MGAM: variants seen among roughly 807,000 people sequenced by gnomAD.
MGAM encodes alpha-1,4-glucosidase.
A neutral mutation model predicts 358.8 loss-of-function variants in MGAM; 253 were observed. The observed-to-expected ratio is 0.71, with a 90% CI of 0.64 to 0.78. MGAM has a LOEUF of 0.78. Among genes scored for constraint, MGAM ranks in the 30% least tolerant of loss-of-function variants. The pLI, the probability that MGAM is intolerant of heterozygous loss-of-function variation, is 0.00. For synonymous variants in MGAM, 1,105 were observed against 1,227.1 expected (o/e 0.90, Z 2.08); for missense variants, 3,080 against 3,432.6 (o/e 0.90, Z 2.57).
chr7:142,088,558 C>CTCTA (rs202143818), intron 57 of MGAM, among the ~76,000 whole-genome samples: 5 of 136,564 alleles, frequency 3.7e-5, no homozygotes, highest in East Asian at 2.1e-4. Context: ...TCCATCCATC[C>CTCTA]TCTATCTATC....
intron 47 of MGAM, 123 bp downstream of exon 47, chr7:142,076,949 A>G: frequency 1.8e-6 from 2 of 1,116,274 alleles, no homozygotes; most frequent in African/African-American, 1.5e-5. Context: ...GTTTTGGGGA[A>G]TTGAGAGGGC....
Position 142,104,495 on chromosome 7 carries a change from G to A in MGAM, c.8184+1056G>A, listed in dbSNP as rs377480645. Among the ~76,000 whole-genome samples the A allele has an allele frequency of 5.2e-4, 79 of 152,256 alleles. 1 individual carries two copies. The highest frequency in any genetic ancestry group is 1.9e-3 in the African/African-American group (78 of 41,548). On this transcript the variant is annotated intron_variant, in intron 70 of 70. Transcript: ENST00000475668. ...TACTGCAAAAGGTGTTGGTGATTCA[G>A]CATTTTATAAAAATTCTTCCACTAG...
At chr7:142,015,315 TA>T in intron 3 of MGAM, among the ~76,000 whole-genome samples, 1 of 152,160 alleles carries the variant, frequency 6.6e-6, no homozygotes, top group Non-Finnish European at 1.5e-5. Flanking sequence ...TATTTACTGT[TA>T]AGAGGCTTTG....
intron 21 of MGAM, among the ~76,000 whole-genome samples, chr7:142,045,202 T>A (rs1199462412): frequency 1.5e-5 from 1 of 67,116 alleles, no homozygotes; most frequent in East Asian, 3.3e-4. Flanking sequence ...ATAATATATA[T>A]TATATAACAT....
At chr7:142,067,589 T>C (rs1186045731) in intron 42 of MGAM, among the ~76,000 whole-genome samples, 164 bp downstream of exon 42, 2 of 116,570 alleles carry the variant, frequency 1.7e-5, no homozygotes, top group Admixed American at 1.7e-4. Context: ...TTAGGTGTTC[T>C]TGGCACTCAG....
At chr7:142,060,804 TTTTCTTTGTATATC>T (rs1320418514) in intron 34 of MGAM, among the ~76,000 whole-genome samples, 1 of 152,068 alleles carries the variant, frequency 6.6e-6, no homozygotes, top group Non-Finnish European at 1.5e-5. Context: ...GACTAGGTCA[TTTTCTTTGTATATC>T]TTTCTTTTTT....
At chr7:142,018,148 C>T (rs1408480938) in intron 3 of MGAM, among the ~76,000 whole-genome samples, 2 of 152,222 alleles carry the variant, frequency 1.3e-5, no homozygotes, top group African/African-American at 4.8e-5. Context: ...AGCTAGGTGC[C>T]TCTGGCTCAG....
chr7:142,061,535 T>C (rs1417039054), intron 34 of MGAM, among the ~76,000 whole-genome samples: 4 of 152,164 alleles, frequency 2.6e-5, no homozygotes, highest in Non-Finnish European at 5.9e-5. Flanking sequence ...TTTTCTGCCC[T>C]TTTTCTAGAC....
intron 21 of MGAM, among the ~76,000 whole-genome samples, chr7:142,046,264 T>C (rs1198393218): frequency 6.6e-6 from 1 of 151,478 alleles, no homozygotes; most frequent in Non-Finnish European, 1.5e-5. Context: ...TTGAAAATTT[T>C]ATTATCTGAA....
Position 142,041,899 on chromosome 7 carries a change from TATATATTATATATATACGTATAATATATA to T in MGAM, c.2498+1060_2498+1088del, listed in dbSNP as rs1808637310. On this transcript the variant is annotated intron_variant, in intron 21 of 70. Transcript: ENST00000475668. ...ATATATATACGTATAATATATAATATATATATTATATATATACGTATAATATATAATATATATATTATATATATACATAT... is the reference window on the plus strand; with the variant it reads ...ATATATATACGTATAATATATAATATATATATATATTATATATATACATAT... Among the ~76,000 whole-genome samples, 17 of 42,612 alleles carry T rather than the reference TATATATTATATATATACGTATAATATATA, an allele frequency of 4.0e-4. 1 individual carries two copies. Among genetic ancestry groups the T allele is most frequent in the Admixed American group, 1.3e-3 (3 of 2,270 alleles). 28.0% of individuals were successfully genotyped at this position (42,612 alleles called of 152,430 possible). A position where few individuals can be genotyped will look rare whatever the true frequency, so the allele number is the denominator to read the frequency against.
rs1816864924 is a variant in MGAM at position 142,106,444 on chromosome 7, A to G, written c.*553A>G. ...ATCAGATGAAACAGAAGATGATAGT[A>G]AAAGTGATCCTAAGTAAGAACATAA... On this transcript the variant is annotated 3_prime_UTR_variant, in exon 71 of 71. Transcript: ENST00000475668. 6.6e-6 allele frequency: 1 copy of G among 152,290 alleles called. No homozygotes were observed. Among genetic ancestry groups the G allele is most frequent in the South Asian group, 2.1e-4 (1 of 4,834 alleles). 9.4% of individuals were successfully genotyped at this position (152,290 alleles called of 1,614,324 possible).
Position 142,071,460 on chromosome 7 carries a change from A to G in MGAM, c.5186+342A>G, listed in dbSNP as rs1352225897. Among the ~76,000 whole-genome samples, 7 of 146,432 alleles carry G rather than the reference A, an allele frequency of 4.8e-5. 1 individual carries two copies. In the South Asian group the frequency reaches 1.5e-3, roughly 32 times the overall value. ...AACTGTATCCAGTAGATTTTGAAAG[A>G]CTGTAATTCATGTCCTTCCTTAAAC... On this transcript the variant is annotated intron_variant, in intron 44 of 70. Transcript: ENST00000475668.
intron 3 of MGAM, among the ~76,000 whole-genome samples, chr7:142,009,842 ATTG>A (rs1407468612): frequency 6.6e-6 from 1 of 152,034 alleles, no homozygotes; most frequent in Non-Finnish European, 1.5e-5. Context: ...GCTGATCCAG[ATTG>A]TTGTTGAGAG....
At chr7:142,063,756 G>T (rs1344245321) in intron 36 of MGAM, among the ~76,000 whole-genome samples, 170 bp downstream of exon 36, 1 of 152,194 alleles carries the variant, frequency 6.6e-6, no homozygotes, top group Non-Finnish European at 1.5e-5. Context: ...GCCGGGCATG[G>T]GCAAGTGACT....
chr7:142,051,521 A>T (rs1219966698), intron 24 of MGAM, among the ~76,000 whole-genome samples: 4 of 152,202 alleles, frequency 2.6e-5, no homozygotes, highest in African/African-American at 9.6e-5. Flanking sequence ...GTGTCAAGAT[A>T]AGAAAACTAT....
intron 3 of MGAM, among the ~76,000 whole-genome samples, chr7:142,017,749 C>T (rs1163784156): frequency 4.6e-5 from 7 of 152,180 alleles, no homozygotes; most frequent in African/African-American, 1.4e-4. Flanking sequence ...TTGTTTATCC[C>T]TCATATTGGC....
intron 29 of MGAM, 145 bp downstream of exon 29, chr7:142,056,241 T>G (rs1811520077): frequency 2.6e-6 from 2 of 755,826 alleles, no homozygotes; most frequent in African/African-American, 1.8e-5. Context: ...TGTTTAGCCT[T>G]TCTGTTTATT....
At position 142,078,370 on chromosome 7, in the gene MGAM, A is replaced by G. The variant is rs1378543420; in HGVS notation, c.5546A>G (p.Glu1849Gly). The change falls in exon 48 of 71, where the codon GAG becomes GGG. Residue 1849 changes from glutamate to glycine, a missense_variant. Physicochemically the swap from Glu to Gly is moderately conservative, Grantham distance 98 (BLOSUM62 -2). Transcript: ENST00000475668. ...TTCCTGGGAGAAGCATACACAGTGG[A>G]GTGGAGCATAAAGATAAGGGATGAA... Reference protein sequence around the residue: ...NLFLGEAYTVEWSIKIRDEEK... With the variant: ...NLFLGEAYTVGWSIKIRDEEK... 21 of 1,516,756 alleles carry G rather than the reference A, an allele frequency of 1.4e-5. 4 individuals carry two copies. The highest frequency in any genetic ancestry group is 1.8e-5 in the Non-Finnish European group (20 of 1,110,720). The allele number at this position is 1,516,756 out of a possible 1,614,324, so 94.0% of individuals were successfully genotyped here. A position where few individuals can be genotyped will look rare whatever the true frequency, so the allele number is the denominator to read the frequency against.
At chr7:142,036,061 T>C in intron 16 of MGAM, 108 bp from the exon 17 acceptor site, 1 of 790,856 alleles carries the variant, frequency 1.3e-6, no homozygotes, top group Non-Finnish European at 2.1e-6. Context: ...CTCCTAGCCT[T>C]CTCGGTAGGA....
Sources: gnomAD v4.1 joint callset for allele counts (sites outside exome capture counted in the v4.1 genomes callset) on GRCh38, gnomAD v4.1.1 for gene constraint, MANE v1.5 for transcripts, NCBI Gene and HGNC (gene_info 2026-07-23, HGNC 2026-07-21) for gene names.